The following ESYT2 variants were observed in gnomAD, a reference collection of about 807,000 sequenced individuals.
ESYT2 encodes extended synaptotagmin-2.
In ESYT2, 54 loss-of-function variants were observed where a neutral mutation model predicts 107.2. That is an observed-to-expected ratio of 0.50 (90% confidence interval 0.40 to 0.63). ESYT2 has a LOEUF of 0.63. Among genes scored for constraint, ESYT2 ranks in the 30% least tolerant of loss-of-function variants. ESYT2 has a pLI of 0.00. For missense variants in ESYT2, 1,020 were observed against 1,094.5 expected (o/e 0.93, Z 0.96); for synonymous variants, 491 against 434.1 (o/e 1.13, Z -1.63).
chr7:158,791,115 C>T (rs11977408), intron 4 of ESYT2, among the ~76,000 whole-genome samples: 19,528 of 152,008 alleles, frequency 0.13, 1,875 homozygotes, highest in East Asian at 0.43. Context: ...ATTCCTTCTG[C>T]TCCCAGGCCC....
chr7:158,766,471 G>GA (rs1168614810), intron 8 of ESYT2, among the ~76,000 whole-genome samples: 1 of 151,908 alleles, frequency 6.6e-6, no homozygotes, highest in East Asian at 1.9e-4. Context: ...AGAAGTTAAG[G>GA]AAAAAAGACA....
chr7:158,769,111 T>C (rs572701291), intron 7 of ESYT2, among the ~76,000 whole-genome samples: 11 of 152,270 alleles, frequency 7.2e-5, no homozygotes, highest in African/African-American at 2.6e-4. Flanking sequence ...TCGTCAGCGT[T>C]CAACAAATAA....
chr7:158,828,294 G>A (rs1326861324), intron 1 of ESYT2, among the ~76,000 whole-genome samples: 1 of 152,270 alleles, frequency 6.6e-6, no homozygotes, highest in African/African-American at 2.4e-5. Flanking sequence ...AAAACAGAGA[G>A]AAGGAAAAGC....
Position 158,739,039 on chromosome 7 carries a change from C to A in ESYT2, c.2251G>T (p.Val751Phe), listed in dbSNP as rs1305679575. The change falls in exon 19 of 23, where the codon GTC (valine) becomes TTC (phenylalanine). Residue 751 changes from valine to phenylalanine, a missense_variant. Val to Phe is a conservative substitution (Grantham distance 50). Transcript: ENST00000275418. ...AGCCCCCACCTGCAGGCATGCACGACCACGATAAGCTTGTTTCTCTGCGAG... is the reference window on the plus strand; with the variant it reads ...AGCCCCCACCTGCAGGCATGCACGAACACGATAAGCTTGTTTCTCTGCGAG... ...HSSQRNKLIVVVHACRNLIAF... is the reference protein window; with the variant it reads ...HSSQRNKLIVFVHACRNLIAF... The A allele has an allele frequency of 6.2e-7, 1 of 1,614,094 alleles. No homozygotes were observed. Among genetic ancestry groups the A allele is most frequent in the Non-Finnish European group, 8.5e-7 (1 of 1,179,962 alleles).
chr7:158,781,761 G>GT (rs1838831489), intron 6 of ESYT2, among the ~76,000 whole-genome samples: 1 of 151,676 alleles, frequency 6.6e-6, no homozygotes, highest in African/African-American at 2.4e-5. Flanking sequence ...TGTGAGAGAT[G>GT]TGAGTGTAAG....
At chr7:158,817,099 T>C (rs547407901) in intron 1 of ESYT2, among the ~76,000 whole-genome samples, 1 of 152,226 alleles carries the variant, frequency 6.6e-6, no homozygotes, top group East Asian at 1.9e-4. Context: ...AATTCTAAGC[T>C]CCCAACTATC....
intron 4 of ESYT2, among the ~76,000 whole-genome samples, chr7:158,790,456 G>A (rs909559326): frequency 8.2e-5 from 9 of 109,482 alleles, no homozygotes; most frequent in African/African-American, 1.8e-4. Context: ...TGAGGATGAA[G>A]GACAAGAGAA....
chr7:158,806,147 G>A (rs1432641962), intron 1 of ESYT2, among the ~76,000 whole-genome samples: 5 of 147,030 alleles, frequency 3.4e-5, no homozygotes, highest in Admixed American at 1.3e-4. Context: ...GGGGCACACC[G>A]CGTAGGAGGC....
At chr7:158,781,825 TAAC>T (rs1838837206) in intron 6 of ESYT2, among the ~76,000 whole-genome samples, 2 of 145,626 alleles carry the variant, frequency 1.4e-5, no homozygotes, top group African/African-American at 5.2e-5. Context: ...GTGAGTGTAA[TAAC>T]GAGAACAAGT....
In ESYT2 at chr7:158,797,945, C is replaced by G; in HGVS notation, c.504G>C (p.Gln168His). 1 of 1,613,872 alleles carries G rather than the reference C, an allele frequency of 6.2e-7. No individual in the cohort carries two copies. The highest frequency in any genetic ancestry group is 8.5e-7 in the Non-Finnish European group (1 of 1,179,862). Reference sequence around the variant, plus strand: ...GGATACTTAAGAGAACACTGACCTGCTGGCCCACGTCGACCTTCGTGAAAC... The same window carrying G: ...GGATACTTAAGAGAACACTGACCTGGTGGCCCACGTCGACCTTCGTGAAAC... The part of the protein sequence containing the change: ...TFSFTKVDVG[Q>H]QPLRINGVKV... The change falls in exon 3 of 23, where the codon CAG becomes CAC. Residue 168 changes from glutamine (Q) to histidine (H), a missense_variant. Transcript: ENST00000275418.
In ESYT2 at chr7:158,797,955, T is replaced by C; in HGVS notation, c.494A>G (p.Asp165Gly). The C allele has an allele frequency of 6.2e-7, 1 of 1,613,976 alleles. No homozygotes were observed. The highest frequency in any genetic ancestry group is 1.1e-5 in the South Asian group (1 of 91,082). ...HLSTFSFTKV[D>G]VGQQPLRING... ...GAGAACACTGACCTGCTGGCCCACG[T>C]CGACCTTCGTGAAACTAAAGGTGCT... Residue 165 changes from aspartate to glycine, a missense_variant, in exon 3 of 23, where the codon GAC (aspartate) becomes GGC (glycine). Coordinates refer to ENST00000275418, the MANE Select transcript of ESYT2 (RefSeq NM_001367773.1).
intron 1 of ESYT2, among the ~76,000 whole-genome samples, chr7:158,805,892 A>G (rs956063778): frequency 1.3e-5 from 2 of 152,248 alleles, no homozygotes; most frequent in Non-Finnish European, 2.9e-5. Flanking sequence ...GTTGTCTACC[A>G]GAGCTATGGC....
intron 3 of ESYT2, among the ~76,000 whole-genome samples, chr7:158,794,678 T>A (rs1219682646): frequency 1.3e-5 from 2 of 148,370 alleles, no homozygotes; most frequent in Non-Finnish European, 3.0e-5. Flanking sequence ...CGGGAGGCTG[T>A]GGTAGGGGGA....
chr7:158,745,257 C>A, intron 16 of ESYT2, among the ~76,000 whole-genome samples: 1 of 84,582 alleles, frequency 1.2e-5, no homozygotes. Flanking sequence ...CTAGGCCCGG[C>A]TGTTCACACT....
intron 13 of ESYT2, among the ~76,000 whole-genome samples, chr7:158,759,173 T>C (rs1042685191): frequency 6.6e-6 from 1 of 152,202 alleles, no homozygotes; most frequent in Admixed American, 6.5e-5. Flanking sequence ...AGAGAGACAA[T>C]TTCCATCCTA....
At position 158,829,314 on chromosome 7, in the gene ESYT2, C is replaced by G; in HGVS notation, c.105G>C (p.Gly35=). The G allele has an allele frequency of 6.7e-7, 1 of 1,501,750 alleles. No homozygotes were observed. The highest frequency in any genetic ancestry group is 8.8e-7 in the Non-Finnish European group (1 of 1,133,668). 93.0% of individuals were successfully genotyped at this position (1,501,750 alleles called of 1,614,324 possible). A position where few individuals can be genotyped will look rare whatever the true frequency, so the allele number is the denominator to read the frequency against. ...PGGVLSVELP[G]LLAQLARSFA... Reference sequence around the variant, plus strand: ...AGCTCCGCGCCAGCTGCGCCAGCAGCCCGGGCAGCTCCACGCTCAGCACGC... The same window carrying G: ...AGCTCCGCGCCAGCTGCGCCAGCAGGCCGGGCAGCTCCACGCTCAGCACGC... Residue 35 remains glycine, a synonymous_variant, in exon 1 of 23, where the codon GGG becomes GGC. Coordinates refer to ENST00000275418, the MANE Select transcript of ESYT2 (RefSeq NM_001367773.1).
At chr7:158,787,870 C>T in intron 6 of ESYT2, 134 bp downstream of exon 6, 1 of 637,270 alleles carries the variant, frequency 1.6e-6, no homozygotes, top group Non-Finnish European at 2.8e-6. Context: ...CAAAAAACTC[C>T]CACAGGATTC....
chr7:158,789,972 C>A (rs1371814660), intron 4 of ESYT2, among the ~76,000 whole-genome samples: 2 of 152,172 alleles, frequency 1.3e-5, no homozygotes, highest in African/African-American at 4.8e-5. Context: ...GCTGGGGACA[C>A]TGGACAACAG....
Position 158,829,278 on chromosome 7 carries a change from C to A in ESYT2, c.141G>T (p.Leu47=). The change falls in exon 1 of 23, where the codon CTG becomes CTT. Residue 47 remains leucine, a synonymous_variant. Transcript: ENST00000275418. ...GGTAGCCCAGCGCGTACACGGGCAG[C>A]AGCAGCGCGAAGCTCCGCGCCAGCT... ...LAQLARSFAL[L]LPVYALGYLG... The A allele has an allele frequency of 6.6e-7, 1 of 1,518,646 alleles. No individual in the cohort carries two copies. The highest frequency in any genetic ancestry group is 1.4e-5 in the African/African-American group (1 of 69,942). The allele number at this position is 1,518,646 out of a possible 1,614,324, so 94.1% of individuals were successfully genotyped here.
Sources: allele counts gnomAD v4.1 joint callset (sites outside exome capture counted in the v4.1 genomes callset), GRCh38; gene constraint gnomAD v4.1.1; transcripts MANE v1.5; gene names NCBI Gene and HGNC (gene_info 2026-07-23, HGNC 2026-07-21).